Variants in SLC24A2 observed in about 807,000 individuals in gnomAD.
SLC24A2 encodes the protein solute carrier family 24 member 2.
A neutral mutation model predicts 62.0 loss-of-function variants in SLC24A2; 36 were observed. The ratio of observed to expected loss-of-function variants is 0.58; its 90% CI spans 0.44 to 0.77. The LOEUF (loss-of-function observed/expected upper bound fraction) is 0.77, where lower values mean the gene tolerates loss of function less well. SLC24A2 is among the 30% of genes least tolerant of loss of function. The pLI is 0.00. For synonymous variants in SLC24A2, 358 were observed against 294.0 expected (o/e 1.22, Z -2.23); for missense variants, 846 against 817.9 (o/e 1.03, Z -0.42).
chr9:20,180,236 A>G, the SLC24A2 span, among the ~76,000 whole-genome samples: 2 of 152,140 alleles, frequency 1.3e-5, no homozygotes, highest in African/African-American at 4.8e-5. Context: ...TTGAGGGACA[A>G]ATTCACTAAT....
the SLC24A2 span, among the ~76,000 whole-genome samples, chr9:19,940,245 G>A: frequency 2.0e-5 from 3 of 152,238 alleles, no homozygotes; most frequent in African/African-American, 7.2e-5. Context: ...ATATGGGATT[G>A]TGGAACTAAT....
the SLC24A2 span, among the ~76,000 whole-genome samples, chr9:19,972,097 G>A: frequency 6.6e-6 from 1 of 152,110 alleles, no homozygotes; most frequent in Non-Finnish European, 1.5e-5. Flanking sequence ...TACTTTGTTA[G>A]CTGGGTTGCT....
chr9:20,267,281 A>C, the SLC24A2 span, among the ~76,000 whole-genome samples: 1 of 152,158 alleles, frequency 6.6e-6, no homozygotes, highest in Non-Finnish European at 1.5e-5. Flanking sequence ...AACCATCACC[A>C]TCCCCACCCT....
At chr9:20,013,695 TA>T in the SLC24A2 span, among the ~76,000 whole-genome samples, 1 of 152,152 alleles carries the variant, frequency 6.6e-6, no homozygotes, top group African/African-American at 2.4e-5. Flanking sequence ...GACAAAAGGT[TA>T]ATATCCAAAA....
chr9:19,534,972 C>T (rs1346378211), intron 8 of SLC24A2, among the ~76,000 whole-genome samples: 1 of 152,218 alleles, frequency 6.6e-6, no homozygotes, highest in Admixed American at 6.5e-5. Context: ...TACACCCCCA[C>T]CAACAGTGTA....
chr9:19,826,291 G>A, the SLC24A2 span, among the ~76,000 whole-genome samples: 2 of 151,914 alleles, frequency 1.3e-5, no homozygotes, highest in Admixed American at 1.3e-4. Context: ...CTTCTGTTAT[G>A]GTATTAGCAT....
At chr9:19,567,241 C>A (rs895196679) in intron 7 of SLC24A2, among the ~76,000 whole-genome samples, 1 of 149,830 alleles carries the variant, frequency 6.7e-6, no homozygotes, top group African/African-American at 2.4e-5. Flanking sequence ...TACTAAAAAA[C>A]GAGAAGTAAA....
chr9:19,558,181 C>T (rs918314064), intron 7 of SLC24A2, among the ~76,000 whole-genome samples: 17 of 152,012 alleles, frequency 1.1e-4, no homozygotes, highest in Admixed American at 5.9e-4. Flanking sequence ...ATAACATCCA[C>T]GGCAGCATTG....
At chr9:20,295,420 T>C in the SLC24A2 span, among the ~76,000 whole-genome samples, 7 of 152,298 alleles carry the variant, frequency 4.6e-5, no homozygotes, top group East Asian at 1.4e-3. Context: ...AGTGGATTTG[T>C]GGACTTAATT....
chr9:19,620,307 C>T (rs187945245), intron 3 of SLC24A2, among the ~76,000 whole-genome samples: 114 of 152,296 alleles, frequency 7.5e-4, no homozygotes, highest in African/African-American at 2.6e-3. Flanking sequence ...TGACGAAGTG[C>T]TAATATTTTC....
intron 2 of SLC24A2, among the ~76,000 whole-genome samples, chr9:19,691,655 T>C (rs1820049878): frequency 6.6e-6 from 1 of 152,188 alleles, no homozygotes. Context: ...TGGTTAAAAG[T>C]ACAGAACCAG....
At chr9:20,089,505 A>G in the SLC24A2 span, among the ~76,000 whole-genome samples, 1 of 151,998 alleles carries the variant, frequency 6.6e-6, no homozygotes, top group African/African-American at 2.4e-5. Context: ...AGCACACCAT[A>G]GCCACCATAC....
At chr9:19,620,464 GA>G (rs1817881883) in intron 3 of SLC24A2, among the ~76,000 whole-genome samples, 1 of 152,196 alleles carries the variant, frequency 6.6e-6, no homozygotes, top group Non-Finnish European at 1.5e-5. Context: ...GAACTCTCCC[GA>G]CTTTGAGGGG....
the SLC24A2 span, among the ~76,000 whole-genome samples, chr9:20,038,123 G>C: frequency 6.6e-6 from 1 of 152,104 alleles, no homozygotes; most frequent in African/African-American, 2.4e-5. Context: ...TTTTAAAATT[G>C]AATCTCCCAA....
the SLC24A2 span, among the ~76,000 whole-genome samples, chr9:20,145,629 G>A: frequency 0.045 from 19 of 420 alleles, no homozygotes; most frequent in Non-Finnish European, 0.07. Context: ...GTGCACGTGT[G>A]CAATTACACA....
chr9:20,107,953 A>G, the SLC24A2 span, among the ~76,000 whole-genome samples: 1 of 152,208 alleles, frequency 6.6e-6, no homozygotes, highest in Non-Finnish European at 1.5e-5. Context: ...TCATCTGACA[A>G]AGTTCACTGT....
At chr9:19,798,919 C>T in the SLC24A2 span, among the ~76,000 whole-genome samples, 1 of 152,090 alleles carries the variant, frequency 6.6e-6, no homozygotes, top group Non-Finnish European at 1.5e-5. Flanking sequence ...GTATCATCTT[C>T]TTCGGGAATA....
the SLC24A2 span, among the ~76,000 whole-genome samples, chr9:19,965,674 C>T: frequency 6.6e-6 from 1 of 152,128 alleles, no homozygotes; most frequent in East Asian, 1.9e-4. Flanking sequence ...TGGCAAAATG[C>T]TATTTTATAC....
chr9:20,011,291 T>C, the SLC24A2 span, among the ~76,000 whole-genome samples: 1 of 152,210 alleles, frequency 6.6e-6, no homozygotes, highest in African/African-American at 2.4e-5. Context: ...GATTTTTTAA[T>C]GATCACCATT....
Sources: allele counts gnomAD v4.1 joint callset (sites outside exome capture counted in the v4.1 genomes callset), GRCh38; gene constraint gnomAD v4.1.1; transcripts MANE v1.5; gene names NCBI Gene and HGNC (gene_info 2026-07-23, HGNC 2026-07-21).